AVIL: variants seen among roughly 807,000 people sequenced by gnomAD.
AVIL encodes the protein advillin.
A neutral mutation model predicts 109.9 loss-of-function variants in AVIL; 78 were observed. The observed-to-expected ratio is 0.71, with a 90% CI of 0.59 to 0.86. AVIL has a LOEUF of 0.86. Among genes scored for constraint, AVIL ranks in the 40% least tolerant of loss-of-function variants. The pLI is 0.00. For missense variants in AVIL, 892 were observed against 1,016.5 expected, an observed-to-expected ratio of 0.88 and a Z score of 1.67; for synonymous variants, 367 against 379.1, an observed-to-expected ratio of 0.97 and a Z score of 0.37.
chr12:57,813,370 C>T lies in AVIL; in HGVS notation c.195G>A (p.Lys65=). The T allele has an allele frequency of 6.2e-7, 1 of 1,614,118 alleles. No individual in the cohort carries two copies. The highest frequency in any genetic ancestry group is 8.5e-7 in the Non-Finnish European group (1 of 1,180,010). The part of the protein sequence containing the change: ...LSQDIHFWIG[K]DSSQDEQSCA... ...AGCTTTGCTCATCCTGGGAGGAGTCCTTCCCGATCCAGAAGTGGATGTCCT... is the reference window on the plus strand; with the variant it reads ...AGCTTTGCTCATCCTGGGAGGAGTCTTTCCCGATCCAGAAGTGGATGTCCT... The change falls in exon 4 of 20, where the codon AAG becomes AAA. Residue 65 remains lysine, a synonymous_variant. Coordinates refer to ENST00000549994, the MANE Select transcript of AVIL (RefSeq NM_006576.4).
chr12:57,813,008 C>T (rs1262541135), intron 4 of AVIL, among the ~76,000 whole-genome samples: 5 of 152,214 alleles, frequency 3.3e-5, no homozygotes, highest in African/African-American at 1.2e-4. Flanking sequence ...CGCTAGTCCA[C>T]ACTTCCATCA....
At position 57,816,069 on chromosome 12, in the gene AVIL, C is replaced by T; in HGVS notation, c.-19-10G>A. 1 of 1,598,892 alleles carries T rather than the reference C, an allele frequency of 6.3e-7. No homozygotes were observed. The highest frequency in any genetic ancestry group is 8.5e-7 in the Non-Finnish European group (1 of 1,171,490). On this transcript the variant is annotated splice_polypyrimidine_tract_variant and intron_variant, in intron 1 of 19. Transcript: ENST00000549994. Reference sequence around the variant, plus strand: ...GCTTGTCTTTCCAGGACTGAAACATCACAGAACAAGAGGGGAGATGATATC... The same window carrying T: ...GCTTGTCTTTCCAGGACTGAAACATTACAGAACAAGAGGGGAGATGATATC...
chr12:57,797,748 C>T lies in AVIL; in HGVS notation c.*134G>A, dbSNP rs759698187. ...GGATGAGAAAAAATGGAGAACATGC[C>T]GTGATTTGCAGACTCTATTATATCT... On this transcript the variant is annotated 3_prime_UTR_variant, in exon 20 of 20. Coordinates refer to ENST00000549994, the MANE Select transcript of AVIL (RefSeq NM_006576.4). 15 of 735,762 alleles carry T rather than the reference C, an allele frequency of 2.0e-5. No individual in the cohort carries two copies. The highest frequency in any genetic ancestry group is 7.5e-5 in the South Asian group (2 of 26,720). The allele number at this position is 735,762 out of a possible 1,614,324, so 45.6% of individuals were successfully genotyped here. A position where few individuals can be genotyped will look rare whatever the true frequency, so the allele number is the denominator to read the frequency against.
In AVIL at chr12:57,802,174, G is replaced by A. The variant is rs1182960243; in HGVS notation, c.2137C>T (p.Pro713Ser). ...IFTGWFLAWDPNIWSAGKTYE... is the reference protein window; with the variant it reads ...IFTGWFLAWDSNIWSAGKTYE... ...TCTTTTCTTACACTCCAAATGTTAG[G>A]GTCCCAGGCTAGGAACCAGCCTGTG... Residue 713 changes from proline (P) to serine (S), a missense_variant, in exon 17 of 20, where the codon CCT becomes TCT. By Grantham distance (74) the Pro-to-Ser change is moderately conservative (BLOSUM62 -1). Coordinates refer to ENST00000549994, the MANE Select transcript of AVIL (RefSeq NM_006576.4). 1 of 1,613,930 alleles carries A rather than the reference G, an allele frequency of 6.2e-7. No homozygotes were observed. Among genetic ancestry groups the A allele is most frequent in the Admixed American group, 1.7e-5 (1 of 60,006 alleles).
At chr12:57,803,123 G>A in intron 16 of AVIL, 124 bp downstream of exon 16, 1 of 1,281,394 alleles carries the variant, frequency 7.8e-7, no homozygotes, top group Non-Finnish European at 1.1e-6. Flanking sequence ...GCTGACAAAG[G>A]TTTGATTGAG....
At chr12:57,818,182 C>CTTTTTTTTTTGTTTTTTTTTT (rs1956120207) in intron 1 of AVIL, among the ~76,000 whole-genome samples, 1 of 35,256 alleles carries the variant, frequency 2.8e-5, no homozygotes, top group Admixed American at 5.4e-4. Context: ...CCATGCTTGG[C>CTTTTTTTTTTGTTTTTTTTTT]TTTTTTTTTT....
chr12:57,809,842 C>A lies in AVIL; in HGVS notation c.810G>T (p.Arg270Ser). ...GQLAVTEVATRPLVQDLLNHD... is the reference protein window; with the variant it reads ...GQLAVTEVATSPLVQDLLNHD... ...GGTTCAGTAAGTCCTGGACCAGAGG[C>A]CTTGTTGCTACCTCTGTGACTGCCA... The change falls in exon 8 of 20, where the codon AGG (arginine) becomes AGT (serine). Residue 270 changes from arginine (R) to serine (S), a missense_variant. Arg to Ser is a moderately radical substitution (Grantham distance 110). Transcript: ENST00000549994. The A allele has an allele frequency of 1.9e-6, 3 of 1,614,216 alleles. No individual in the cohort carries two copies. The highest frequency in any genetic ancestry group is 2.5e-6 in the Non-Finnish European group (3 of 1,180,036).
At chr12:57,815,749 C>T in intron 2 of AVIL, 3 of 1,435,952 alleles carry the variant, frequency 2.1e-6, no homozygotes, top group Non-Finnish European at 1.8e-6. Flanking sequence ...CTGTTTTTGT[C>T]TGGAGCCCTG....
chr12:57,800,575 G>A (rs1014050790), intron 18 of AVIL: 2 of 152,702 alleles, frequency 1.3e-5, no homozygotes, highest in African/African-American at 4.8e-5. Context: ...CTCCTTAAAC[G>A]GCAGAGTTGA....
In AVIL at chr12:57,799,794, C is replaced by T. The variant is rs772757092; in HGVS notation, c.2346+1G>A. ...CAGACACAGTTCCTTCAGCCACTCA[C>T]CTCCTTTTTGGCAGGGTTTACATCC... is the stretch of plus-strand genomic sequence containing the variant. On this transcript the variant is annotated splice_donor_variant, in intron 19 of 19. Coordinates refer to ENST00000549994, the MANE Select transcript of AVIL (RefSeq NM_006576.4). LOFTEE classifies it high-confidence loss of function. 1.9e-6 allele frequency: 3 copies of T among 1,613,948 alleles called. No individual in the cohort carries two copies. The highest frequency in any genetic ancestry group is 1.7e-5 in the Admixed American group (1 of 60,024).
At chr12:57,803,847 G>A (rs185113812) in intron 14 of AVIL, 178 bp from the exon 15 acceptor site, 51 of 834,580 alleles carry the variant, frequency 6.1e-5, no homozygotes, top group African/African-American at 6.9e-5. Context: ...GGAAAACAGT[G>A]TGGGGCAAAG....
At chr12:57,816,700 CTTTTTTTTTTT>C (rs11349032) in intron 1 of AVIL, among the ~76,000 whole-genome samples, 2 of 93,492 alleles carry the variant, frequency 2.1e-5, no homozygotes, top group African/African-American at 7.8e-5. Context: ...GGCTTTTGTC[CTTTTTTTTTTT>C]TTTTTTTTTT....
chr12:57,806,626 A>G lies in AVIL; in HGVS notation c.1492-87T>C, dbSNP rs1955952142. The G allele has an allele frequency of 2.0e-6, 3 of 1,473,510 alleles. 1 individual carries two copies. The highest frequency in any genetic ancestry group is 2.5e-5 in the South Asian group (2 of 80,402). 91.3% of individuals were successfully genotyped at this position (1,473,510 alleles called of 1,614,324 possible). A position where few individuals can be genotyped will look rare whatever the true frequency, so the allele number is the denominator to read the frequency against. On this transcript the variant is annotated intron_variant, in intron 13 of 19. Coordinates refer to ENST00000549994, the MANE Select transcript of AVIL (RefSeq NM_006576.4). ...AGCTGTTGTGGGAAACGTGAATGTT[A>G]TAGTATTATGTTTGCCCTTGAGGAG...
At chr12:57,807,291 C>T (rs374957266) in intron 13 of AVIL, 40 bp downstream of exon 13, 56 of 1,613,402 alleles carry the variant, frequency 3.5e-5, no homozygotes, top group Admixed American at 5.0e-5. Flanking sequence ...TAGTTTGGAA[C>T]GTTCCAGCTC....
At chr12:57,802,908 G>C (rs1237897194) in intron 16 of AVIL, 12 of 533,136 alleles carry the variant, frequency 2.3e-5, no homozygotes, top group Middle Eastern at 4.8e-4. Context: ...ATAGTCTACT[G>C]ACTGCCTTTG....
chr12:57,810,675 G>T, intron 6 of AVIL, 124 bp from the exon 7 acceptor site: 1 of 1,377,204 alleles, frequency 7.3e-7, no homozygotes, highest in Non-Finnish European at 1.0e-6. Context: ...TCCAGGGTGA[G>T]TCACAAACTC....
At chr12:57,813,162 G>T in intron 4 of AVIL, 65 bp downstream of exon 4, 1 of 1,501,052 alleles carries the variant, frequency 6.7e-7, no homozygotes, top group Non-Finnish European at 9.0e-7. Flanking sequence ...AATGCATGTT[G>T]GCCTTTTGGG....
intron 9 of AVIL, 124 bp downstream of exon 9, chr12:57,809,473 T>G: frequency 9.0e-7 from 1 of 1,107,414 alleles, no homozygotes; most frequent in South Asian, 1.5e-5. Flanking sequence ...TGCCTGACTT[T>G]GCAGTCCATG....
At chr12:57,815,747 G>T in intron 2 of AVIL, 2 of 1,432,478 alleles carry the variant, frequency 1.4e-6, no homozygotes, top group South Asian at 1.4e-5. Flanking sequence ...GCCTGTTTTT[G>T]TCTGGAGCCC....
Sources: gnomAD v4.1 joint callset for allele counts (sites outside exome capture counted in the v4.1 genomes callset) on GRCh38, gnomAD v4.1.1 for gene constraint, MANE v1.5 for transcripts, NCBI Gene and HGNC (gene_info 2026-07-23, HGNC 2026-07-21) for gene names.